Variants in SCHIP1 observed in about 807,000 individuals in gnomAD.
The protein encoded by SCHIP1 is schwannomin-interacting protein 1.
SCHIP1 carries 8 observed loss-of-function variants against 29.7 expected under a neutral mutation model. That is an observed-to-expected ratio of 0.27 (90% CI 0.16 to 0.49). The LOEUF (loss-of-function observed/expected upper bound fraction) is 0.49. Among genes scored for constraint, SCHIP1 ranks in the 20% least tolerant of loss-of-function variants. SCHIP1 has a pLI of 0.99. For missense variants in SCHIP1, 193 were observed against 294.6 expected (o/e 0.66, Z 2.52); for synonymous variants, 76 against 94.9 (o/e 0.80, Z 1.16).
At chr3:159,662,772 G>C in the SCHIP1 span, among the ~76,000 whole-genome samples, 1 of 152,168 alleles carries the variant, frequency 6.6e-6, no homozygotes, top group African/African-American at 2.4e-5. Flanking sequence ...GCTTATAAGA[G>C]GCAGAGCCAA....
chr3:159,392,869 A>G, the SCHIP1 span, among the ~76,000 whole-genome samples: 2 of 152,200 alleles, frequency 1.3e-5, no homozygotes, highest in African/African-American at 4.8e-5. Flanking sequence ...CTAGTTCTAG[A>G]TGCCTGAGGA....
chr3:159,344,017 C>A, the SCHIP1 span, among the ~76,000 whole-genome samples: 2 of 152,074 alleles, frequency 1.3e-5, no homozygotes, highest in East Asian at 3.8e-4. Flanking sequence ...TACTTAGTAA[C>A]AAACATACAC....
the SCHIP1 span, among the ~76,000 whole-genome samples, chr3:159,398,452 G>A: frequency 1.3e-5 from 2 of 152,132 alleles, no homozygotes; most frequent in African/African-American, 4.8e-5. Flanking sequence ...TTGTCATGGA[G>A]GGATTTTAAT....
the SCHIP1 span, among the ~76,000 whole-genome samples, chr3:159,782,005 C>T: frequency 6.6e-6 from 1 of 152,224 alleles, no homozygotes; most frequent in Non-Finnish European, 1.5e-5. Flanking sequence ...AGGTTACGGG[C>T]AGTCTTGCTG....
the SCHIP1 span, among the ~76,000 whole-genome samples, chr3:159,359,042 C>T: frequency 1.3e-5 from 2 of 150,710 alleles, no homozygotes; most frequent in African/African-American, 2.5e-5. Flanking sequence ...ATTCCCTTGC[C>T]TCAGCCTCCC....
the SCHIP1 span, chr3:159,765,403 C>T: frequency 2.3e-6 from 1 of 435,024 alleles, no homozygotes; most frequent in African/African-American, 2.1e-5. Flanking sequence ...GAACCGGCGA[C>T]TCATTTTAAT....
chr3:159,741,636 C>T, the SCHIP1 span, among the ~76,000 whole-genome samples: 85 of 152,306 alleles, frequency 5.6e-4, no homozygotes, highest in Non-Finnish European at 1.1e-3. Context: ...ACCATCAAGG[C>T]CTCATTAGAA....
At chr3:159,663,277 G>A in the SCHIP1 span, among the ~76,000 whole-genome samples, 5 of 152,154 alleles carry the variant, frequency 3.3e-5, no homozygotes, top group African/African-American at 9.7e-5. Context: ...ACTTTGAAAA[G>A]CCTGAGTAAC....
chr3:159,620,637 G>A, the SCHIP1 span, among the ~76,000 whole-genome samples: 1 of 152,146 alleles, frequency 6.6e-6, no homozygotes, highest in South Asian at 2.1e-4. Flanking sequence ...TTGTAAGAAG[G>A]CACCATTGGA....
the SCHIP1 span, among the ~76,000 whole-genome samples, chr3:159,542,809 C>A: frequency 6.6e-6 from 1 of 152,052 alleles, no homozygotes; most frequent in Non-Finnish European, 1.5e-5. Flanking sequence ...ATGCCTCCCA[C>A]TGAATGATCT....
intron 1 of SCHIP1, among the ~76,000 whole-genome samples, chr3:159,851,984 A>G (rs531381654): frequency 1.3e-3 from 193 of 152,242 alleles, no homozygotes; most frequent in Non-Finnish European, 2.1e-3. Flanking sequence ...AGTAAAGGGA[A>G]GATTTCACTT....
the SCHIP1 span, among the ~76,000 whole-genome samples, chr3:159,773,753 C>G: frequency 1.2e-4 from 19 of 152,164 alleles, no homozygotes; most frequent in African/African-American, 4.6e-4. Context: ...GTGTATATTT[C>G]TAGCAACAGA....
At chr3:159,387,470 C>T in the SCHIP1 span, 38 of 196,146 alleles carry the variant, frequency 1.9e-4, no homozygotes, top group Non-Finnish European at 3.2e-4. Context: ...CAGACCCTCC[C>T]GCAGTCCTGG....
the SCHIP1 span, among the ~76,000 whole-genome samples, chr3:159,420,560 C>A: frequency 1.3e-5 from 2 of 152,074 alleles, no homozygotes; most frequent in Admixed American, 1.3e-4. Flanking sequence ...TGGATGATTG[C>A]CATTTAGGCC....
the SCHIP1 span, among the ~76,000 whole-genome samples, chr3:159,630,258 G>A: frequency 8.5e-5 from 13 of 152,064 alleles, no homozygotes; most frequent in Admixed American, 1.3e-4. Flanking sequence ...ATGGTTATGC[G>A]GAAAATTAAG....
At chr3:159,896,660 T>G (rs1331327077) in intron 6 of SCHIP1, 63 bp from the exon 8 acceptor site, 1 of 1,483,636 alleles carries the variant, frequency 6.7e-7, no homozygotes, top group East Asian at 2.4e-5. Flanking sequence ...CTGTAGCTAT[T>G]GATTGAAAAG....
At chr3:159,446,420 TG>T in the SCHIP1 span, among the ~76,000 whole-genome samples, 146 of 152,148 alleles carry the variant, frequency 9.6e-4, 1 homozygote, top group African/African-American at 3.3e-3. Context: ...ACAATATTGT[TG>T]CAATACAGCA....
At chr3:159,544,115 A>T in the SCHIP1 span, among the ~76,000 whole-genome samples, 1 of 151,964 alleles carries the variant, frequency 6.6e-6, no homozygotes, top group African/African-American at 2.4e-5. Context: ...TTCTATCACA[A>T]TAGATTAGTT....
At chr3:159,443,453 A>T in the SCHIP1 span, among the ~76,000 whole-genome samples, 1 of 152,158 alleles carries the variant, frequency 6.6e-6, no homozygotes, top group East Asian at 1.9e-4. Flanking sequence ...TTCAAGGTGA[A>T]GTCATTGTGG....
Sources: gnomAD v4.1 joint callset for allele counts (sites outside exome capture counted in the v4.1 genomes callset) on GRCh38, gnomAD v4.1.1 for gene constraint, MANE v1.5 for transcripts, NCBI Gene and HGNC (gene_info 2026-07-23, HGNC 2026-07-21) for gene names.